The following DOCK1 variants were observed in gnomAD, a reference collection of about 807,000 sequenced individuals.
The protein encoded by DOCK1 is dedicator of cytokinesis protein 1.
Under a neutral mutation model 262.7 loss-of-function variants are expected in DOCK1, and 138 were observed. That is an observed-to-expected ratio of 0.53 (90% CI 0.46 to 0.61). DOCK1 has a LOEUF of 0.61. DOCK1 is among the 20% of genes least tolerant of loss of function. The pLI is 0.00. For synonymous variants in DOCK1, 866 were observed against 867.4 expected, an observed-to-expected ratio of 1.00 and a Z score of 0.03; for missense variants, 1,908 against 2,370.7, an observed-to-expected ratio of 0.80 and a Z score of 4.05.
chr10:127,118,747 G>A (rs901297050), intron 25 of DOCK1, among the ~76,000 whole-genome samples: 1 of 152,164 alleles, frequency 6.6e-6, no homozygotes, highest in Non-Finnish European at 1.5e-5. Context: ...CCCTGTTCCA[G>A]TCAGAACACG....
intron 1 of DOCK1, among the ~76,000 whole-genome samples, chr10:126,923,957 C>G (rs1433706394): frequency 1.3e-5 from 2 of 152,244 alleles, no homozygotes; most frequent in African/African-American, 4.8e-5. Context: ...CAGTCTTGGA[C>G]TTTCCCAGCC....
intron 29 of DOCK1, among the ~76,000 whole-genome samples, chr10:127,331,515 C>T (rs778357266): frequency 2.6e-5 from 4 of 152,116 alleles, no homozygotes; most frequent in African/African-American, 4.8e-5. Context: ...CTCCTGGCCT[C>T]TGGTGATCCA....
rs536517381 is a variant in DOCK1 at position 127,254,385 on chromosome 10, C to T, written c.2950-2950C>T. On this transcript the variant is annotated intron_variant, in intron 28 of 51. Coordinates refer to ENST00000623213, the MANE Select transcript of DOCK1 (RefSeq NM_001290223.2). ...TGGTTTCTTTATCCCCCTGTATGTT[C>T]TGCAAACCAGAAGCTTGTTCTGAGA... Among the ~76,000 whole-genome samples the T allele has an allele frequency of 9.9e-5, 15 of 152,242 alleles. No individual in the cohort carries two copies. The South Asian group carries it at 3.1e-3, about 32-fold the overall frequency.
chr10:127,314,061 A>G (rs1198660626), intron 29 of DOCK1, among the ~76,000 whole-genome samples: 1 of 152,198 alleles, frequency 6.6e-6, no homozygotes, highest in Non-Finnish European at 1.5e-5. Context: ...GAGGCTGGAA[A>G]TATTTCTCTT....
rs981412859 is a variant in DOCK1 at position 127,326,902 on chromosome 10, A to C, written c.3045-12104A>C. Among the ~76,000 whole-genome samples, 3 of 152,226 alleles carry C rather than the reference A, an allele frequency of 2.0e-5. No homozygotes were observed. In the South Asian group the frequency reaches 6.2e-4, roughly 32 times the overall value. ...AACATTCACCTCCTTGTACATCTCCATCAGAGCTCTGGGTTGACCAGGTGC... is the reference window on the plus strand; with the variant it reads ...AACATTCACCTCCTTGTACATCTCCCTCAGAGCTCTGGGTTGACCAGGTGC... On this transcript the variant is annotated intron_variant, in intron 29 of 51. Transcript: ENST00000623213.
chr10:127,307,928 T>A (rs2061934064), intron 29 of DOCK1, among the ~76,000 whole-genome samples: 1 of 152,236 alleles, frequency 6.6e-6, no homozygotes, highest in Admixed American at 6.5e-5. Flanking sequence ...GTGGGGAATG[T>A]AGCCCTGTGG....
intron 51 of DOCK1, among the ~76,000 whole-genome samples, chr10:127,449,471 TG>T (rs2070814171): frequency 6.6e-6 from 1 of 152,238 alleles, no homozygotes. Flanking sequence ...TGTGGGTTAC[TG>T]ATGCCACATA....
At chr10:127,036,945 C>G (rs1289327163) in intron 18 of DOCK1, among the ~76,000 whole-genome samples, 1 of 144,408 alleles carries the variant, frequency 6.9e-6, no homozygotes, top group Non-Finnish European at 1.5e-5. Flanking sequence ...CCATTGCACT[C>G]CAGCCTGGGC....
At chr10:127,206,041 T>A (rs182274374) in intron 27 of DOCK1, among the ~76,000 whole-genome samples, 1 of 152,294 alleles carries the variant, frequency 6.6e-6, no homozygotes, top group Non-Finnish European at 1.5e-5. Context: ...CTGTTTATCA[T>A]GCACTTAGAG....
chr10:127,135,895 C>T (rs2050649652), intron 27 of DOCK1: 1 of 152,622 alleles, frequency 6.6e-6, no homozygotes. Flanking sequence ...GGAGAGAGAA[C>T]TTGTTGGAAA....
At chr10:127,330,164 C>T (rs1042653073) in intron 29 of DOCK1, among the ~76,000 whole-genome samples, 2 of 152,036 alleles carry the variant, frequency 1.3e-5, no homozygotes, top group African/African-American at 4.8e-5. Context: ...GTGAACTCTC[C>T]GACTCCCCAC....
Position 127,175,732 on chromosome 10 carries a change from A to G in DOCK1, c.2847+47968A>G, listed in dbSNP as rs1354385963. 1.2e-6 allele frequency: 2 copies of G among 1,614,072 alleles called. No homozygotes were observed. Among genetic ancestry groups the G allele is most frequent in the East Asian group, 4.5e-5 (2 of 44,852 alleles). ...TGCTTGGCCCTCCCGAGCAGCTGGTAATCGGGCTCTTCGGATGGAGGCCGA... is the reference window on the plus strand; with the variant it reads ...TGCTTGGCCCTCCCGAGCAGCTGGTGATCGGGCTCTTCGGATGGAGGCCGA... On this transcript the variant is annotated intron_variant, in intron 27 of 51. Transcript: ENST00000623213. The surrounding 1 kb of genome is among the most constrained non-coding windows in gnomAD (Gnocchi z 6.3).
chr10:127,221,351 A>G (rs1228855827), intron 27 of DOCK1, among the ~76,000 whole-genome samples: 2 of 152,214 alleles, frequency 1.3e-5, no homozygotes, highest in Non-Finnish European at 1.5e-5. Flanking sequence ...TACACAGTGC[A>G]TGGTGTGTTG....
At chr10:127,303,531 GA>G (rs555221860) in intron 29 of DOCK1, among the ~76,000 whole-genome samples, 35 of 150,856 alleles carry the variant, frequency 2.3e-4, no homozygotes, top group African/African-American at 7.5e-4. Flanking sequence ...TTAAAAAAAA[GA>G]AAAAAAAAGG....
rs188952048 is a variant in DOCK1 at position 126,978,588 on chromosome 10, C to T, written c.171+600C>T. 1.9e-3 allele frequency among the ~76,000 whole-genome samples: 283 copies of T among 152,274 alleles called. 3 individuals are homozygous for T. The highest frequency in any genetic ancestry group is 8.8e-4 in the Non-Finnish European group (60 of 68,040). ...TTTAACATTCTTAGCTTCATGGAAC[C>T]TAATTATGGCTCTTCTGTTTCATTC... On this transcript the variant is annotated intron_variant, in intron 3 of 51. Transcript: ENST00000623213.
intron 27 of DOCK1, among the ~76,000 whole-genome samples, chr10:127,131,900 AGC>A (rs1446660297): frequency 1.3e-5 from 2 of 152,252 alleles, no homozygotes; most frequent in Non-Finnish European, 2.9e-5. Flanking sequence ...ACTATGAATC[AGC>A]TTAAAAATTC....
chr10:126,979,160 G>A (rs755347282), intron 3 of DOCK1, among the ~76,000 whole-genome samples: 1 of 152,182 alleles, frequency 6.6e-6, no homozygotes, highest in Admixed American at 6.5e-5. Flanking sequence ...TTTCAATCCA[G>A]TGGATGGTGG....
chr10:127,334,505 T>A (rs969368948), intron 29 of DOCK1, among the ~76,000 whole-genome samples: 2 of 152,196 alleles, frequency 1.3e-5, no homozygotes, highest in Non-Finnish European at 2.9e-5. Context: ...AAATGATGCT[T>A]CTGACTTTCT....
chr10:127,104,542 T>A lies in DOCK1; in HGVS notation c.2446-1689T>A, dbSNP rs1366329094. Among the ~76,000 whole-genome samples, 3 of 152,362 alleles carry A rather than the reference T, an allele frequency of 2.0e-5. No homozygotes were observed. The East Asian group carries it at 5.8e-4, about 29-fold the overall frequency. On this transcript the variant is annotated intron_variant, in intron 23 of 51. Transcript: ENST00000623213. ...CTGTATATGTTCAGGGGAATACTTTTGAAGTGAGTTTCTGCCTACTTGCTT... is the reference window on the plus strand; with the variant it reads ...CTGTATATGTTCAGGGGAATACTTTAGAAGTGAGTTTCTGCCTACTTGCTT...
Sources: allele counts gnomAD v4.1 joint callset (sites outside exome capture counted in the v4.1 genomes callset), GRCh38; gene constraint gnomAD v4.1.1; non-coding constraint Gnocchi (gnomAD v3.1); transcripts MANE v1.5; gene names NCBI Gene and HGNC (gene_info 2026-07-23, HGNC 2026-07-21).